The following METTL9 variants were observed in gnomAD, a reference collection of about 807,000 sequenced individuals.
METTL9 encodes protein-L-histidine N-pros-methyltransferase.
In METTL9, 10 loss-of-function variants were observed where a neutral mutation model predicts 36.0. The ratio of observed to expected loss-of-function variants is 0.28; its 90% CI spans 0.17 to 0.47. The LOEUF (loss-of-function observed/expected upper bound fraction) is 0.47, where lower values mean the gene tolerates loss of function less well. Ranked by LOEUF, METTL9 falls within the 20% of genes least tolerant of loss-of-function variation. The pLI is 0.99. For synonymous variants in METTL9, 175 were observed against 149.7 expected (o/e 1.17, Z -1.23); for missense variants, 246 against 383.5 (o/e 0.64, Z 3.00).
At chr16:21,603,244 G>T (rs1365913919) in intron 1 of METTL9, among the ~76,000 whole-genome samples, 1 of 151,860 alleles carries the variant, frequency 6.6e-6, no homozygotes, top group Non-Finnish European at 1.5e-5. Flanking sequence ...GGTTCAAGCG[G>T]TTCTCATGCC....
At chr16:21,605,673 A>G (rs532310141) in intron 1 of METTL9, among the ~76,000 whole-genome samples, 2 of 152,200 alleles carry the variant, frequency 1.3e-5, no homozygotes, top group Non-Finnish European at 2.9e-5. Flanking sequence ...TGAGAATAAG[A>G]CAGCTGCTTG....
chr16:21,655,088 G>C, intron 4 of METTL9, 139 bp from the exon 5 acceptor site: 2 of 698,174 alleles, frequency 2.9e-6, no homozygotes, highest in Non-Finnish European at 4.9e-6. Flanking sequence ...AGAGTACCTG[G>C]GAAGTACAAA....
intron 4 of METTL9, among the ~76,000 whole-genome samples, chr16:21,645,378 G>T (rs1311022502): frequency 6.6e-6 from 1 of 152,060 alleles, no homozygotes; most frequent in Non-Finnish European, 1.5e-5. Flanking sequence ...GCTTGAACCC[G>T]GAAGGTGGAG....
Position 21,626,023 on chromosome 16 carries a change from A to T in METTL9, c.751+908A>T, listed in dbSNP as rs543915076. ...GGCATTCTCCGGCCTCAGCCTTCTG[A>T]GTCCCAAGTAACTGGGACTTCAGGC... On this transcript the variant is annotated intron_variant, in intron 4 of 4. Coordinates refer to ENST00000358154, the MANE Select transcript of METTL9 (RefSeq NM_016025.5). Among the ~76,000 whole-genome samples the T allele has an allele frequency of 1.4e-3, 208 of 152,112 alleles. 8 individuals are homozygous for T. The South Asian group carries it at 0.042, about 31-fold the overall frequency.
In METTL9 at chr16:21,655,446, G is replaced by A. The variant is rs192138339; in HGVS notation, c.*14G>A. On this transcript the variant is annotated 3_prime_UTR_variant, in exon 5 of 5. Coordinates refer to ENST00000358154, the MANE Select transcript of METTL9 (RefSeq NM_016025.5). Reference sequence around the variant, plus strand: ...AAACCAGTATAAACACGTGGAGGTCGAAGTCTTCAGAGTCCGCACCCTCCG... The same window carrying A: ...AAACCAGTATAAACACGTGGAGGTCAAAGTCTTCAGAGTCCGCACCCTCCG... 27 of 1,607,968 alleles carry A rather than the reference G, an allele frequency of 1.7e-5. No individual in the cohort carries two copies. In the East Asian group the frequency reaches 2.7e-4, roughly 16 times the overall value.
chr16:21,648,669 C>G (rs2141621338), intron 4 of METTL9, among the ~76,000 whole-genome samples: 1 of 152,308 alleles, frequency 6.6e-6, no homozygotes, highest in East Asian at 1.9e-4. Flanking sequence ...ATGGAAAGAC[C>G]CGCCCTAAAC....
At chr16:21,612,143 G>A (rs1965438939) in intron 1 of METTL9, 1 of 152,538 alleles carries the variant, frequency 6.6e-6, no homozygotes, top group South Asian at 2.1e-4. Flanking sequence ...AAATTCTGTT[G>A]CTTACTTTGC....
intron 4 of METTL9, among the ~76,000 whole-genome samples, chr16:21,629,430 C>A (rs535827410): frequency 6.6e-6 from 1 of 152,116 alleles, no homozygotes; most frequent in Non-Finnish European, 1.5e-5. Flanking sequence ...GAAAGAGGGT[C>A]CTCACCAGAA....
intron 1 of METTL9, among the ~76,000 whole-genome samples, chr16:21,610,646 T>G (rs71379627): frequency 0.019 from 2,929 of 152,302 alleles, 46 homozygotes; most frequent in South Asian, 0.043. Flanking sequence ...ATTAAAAACT[T>G]GAGTTTTCCT....
chr16:21,609,582 G>T (rs980234303), intron 1 of METTL9, among the ~76,000 whole-genome samples: 1 of 152,118 alleles, frequency 6.6e-6, no homozygotes, highest in East Asian at 1.9e-4. Context: ...CAGGTGAAGA[G>T]AGAGTGGGTT....
intron 3 of METTL9, among the ~76,000 whole-genome samples, 174 bp from the exon 4 acceptor site, chr16:21,624,757 T>A (rs1042051811): frequency 8.6e-5 from 13 of 150,308 alleles, no homozygotes; most frequent in South Asian, 2.1e-4. Flanking sequence ...AAAAAAAAAA[T>A]GGTTGCTATT....
In METTL9 at chr16:21,656,940, AAGT is replaced by A. The variant is rs1487752710; in HGVS notation, c.*1510_*1512del. 6.6e-6 allele frequency: 1 copy of A among 152,150 alleles called. No homozygotes were observed. Among genetic ancestry groups the A allele is most frequent in the Non-Finnish European group, 1.5e-5 (1 of 68,030 alleles). 9.4% of individuals were successfully genotyped at this position (152,150 alleles called of 1,614,324 possible). On this transcript the variant is annotated 3_prime_UTR_variant, in exon 5 of 5. Coordinates refer to ENST00000358154, the MANE Select transcript of METTL9 (RefSeq NM_016025.5). ...TTTTTTCCAGGAATTCAAGTAAGTG[AAGT>A]ACAAATACTTAGCACCATAGATTGT...
intron 3 of METTL9, among the ~76,000 whole-genome samples, chr16:21,620,251 G>C (rs746587972): frequency 6.6e-6 from 1 of 152,156 alleles, no homozygotes; most frequent in Non-Finnish European, 1.5e-5. Flanking sequence ...TTTGAACTGA[G>C]TGATTTGAAA....
At chr16:21,629,602 C>T (rs1965896953) in intron 4 of METTL9, among the ~76,000 whole-genome samples, 2 of 152,156 alleles carry the variant, frequency 1.3e-5, no homozygotes, top group South Asian at 4.1e-4. Flanking sequence ...TTGCTGGCCT[C>T]AGGAGTGAAG....
upstream of METTL9, chr16:21,599,398 G>A (rs1207106260): frequency 1.9e-6 from 2 of 1,079,414 alleles, no homozygotes; most frequent in Non-Finnish European, 2.2e-6. This position sits in a 1 kb window ranked among gnomAD's most constrained non-coding sequence, Gnocchi z 4.4. Flanking sequence ...GCTCCGGGCG[G>A]ATGCGCGCTC....
chr16:21,616,953 C>A (rs559209192), intron 2 of METTL9, among the ~76,000 whole-genome samples: 2 of 152,256 alleles, frequency 1.3e-5, no homozygotes, highest in African/African-American at 4.8e-5. Context: ...TCTTCACATT[C>A]ATCTCTTACT....
chr16:21,597,605 T>C (rs1964976371), upstream of METTL9, among the ~76,000 whole-genome samples: 1 of 152,192 alleles, frequency 6.6e-6, no homozygotes, highest in Admixed American at 6.5e-5. Context: ...GCTACAGCTA[T>C]GTGGTCTCAC....
At chr16:21,630,515 G>A (rs895243273) in intron 4 of METTL9, among the ~76,000 whole-genome samples, 3 of 152,180 alleles carry the variant, frequency 2.0e-5, no homozygotes, top group Admixed American at 6.5e-5. Context: ...TCAATCCCCC[G>A]TCTAAACAGG....
At chr16:21,618,104 C>T (rs765453104) in intron 3 of METTL9, 30 bp downstream of exon 3, 1 of 1,421,866 alleles carries the variant, frequency 7.0e-7, no homozygotes, top group Admixed American at 2.4e-5. Flanking sequence ...AGATGCATTT[C>T]TTCTTGAAAG....
Sources: gnomAD v4.1 joint callset for allele counts (sites outside exome capture counted in the v4.1 genomes callset) on GRCh38, gnomAD v4.1.1 for gene constraint, Gnocchi (gnomAD v3.1) non-coding constraint, MANE v1.5 for transcripts, NCBI Gene and HGNC (gene_info 2026-07-23, HGNC 2026-07-21) for gene names.